Variants in NPAS2 observed in about 807,000 individuals in gnomAD.
NPAS2 encodes the protein neuronal PAS domain protein 2, also known as neuronal PAS domain-containing protein 2.
Under a neutral mutation model 107.5 loss-of-function variants are expected in NPAS2, and 23 were observed. The ratio of observed to expected loss-of-function variants is 0.21; its 90% confidence interval spans 0.15 to 0.30. The LOEUF (loss-of-function observed/expected upper bound fraction) is 0.30, where lower values mean the gene tolerates loss of function less well. Among genes scored for constraint, NPAS2 ranks in the 10% least tolerant of loss-of-function variants. The pLI is 1.00. For missense variants in NPAS2, 756 were observed against 1,043.3 expected, an observed-to-expected ratio of 0.72 and a Z score of 3.79; for synonymous variants, 403 against 417.5, an observed-to-expected ratio of 0.97 and a Z score of 0.42.
intron 1 of NPAS2, among the ~76,000 whole-genome samples, chr2:100,824,556 A>G (rs1433094075): frequency 1.3e-5 from 2 of 152,160 alleles, no homozygotes; most frequent in Admixed American, 6.5e-5. Flanking sequence ...TCTTTCCACC[A>G]TAGTACGAGT....
intron 1 of NPAS2, among the ~76,000 whole-genome samples, chr2:100,831,975 G>T (rs1378797301): frequency 6.6e-6 from 1 of 152,080 alleles, no homozygotes; most frequent in African/African-American, 2.4e-5. Context: ...ATTCTCAGCT[G>T]CCAGGGCCCC....
intron 16 of NPAS2, chr2:100,984,224 C>T (rs545392749): frequency 6.6e-5 from 10 of 152,110 alleles, no homozygotes; most frequent in African/African-American, 1.9e-4. Flanking sequence ...CACAGATAGT[C>T]GAGACAGAGG....
intron 1 of NPAS2, among the ~76,000 whole-genome samples, chr2:100,861,941 G>A (rs1053287124): frequency 6.6e-6 from 1 of 152,136 alleles, no homozygotes; most frequent in African/African-American, 2.4e-5. Context: ...CACTTTTTTT[G>A]TATTAAGGGA....
chr2:100,975,344 C>G, intron 13 of NPAS2, 114 bp from the exon 14 acceptor site: 1 of 915,052 alleles, frequency 1.1e-6, no homozygotes. Flanking sequence ...CTTCCTTTAT[C>G]AGAGATCCCA....
intron 1 of NPAS2, among the ~76,000 whole-genome samples, chr2:100,883,770 A>G (rs1680528430): frequency 6.6e-6 from 1 of 152,150 alleles, no homozygotes; most frequent in Admixed American, 6.5e-5. Flanking sequence ...ATAGTTTACA[A>G]AAGTTACTTC....
chr2:100,927,453 A>G (rs1415125407), intron 3 of NPAS2, among the ~76,000 whole-genome samples: 1 of 152,250 alleles, frequency 6.6e-6, no homozygotes, highest in South Asian at 2.1e-4. Flanking sequence ...TGAATTAATT[A>G]TCACAAAGCA....
chr2:100,924,465 T>C (rs1683434120), intron 2 of NPAS2, among the ~76,000 whole-genome samples: 1 of 152,262 alleles, frequency 6.6e-6, no homozygotes, highest in Non-Finnish European at 1.5e-5. Context: ...ATACTTGCTA[T>C]CATACAGTGT....
At chr2:100,888,384 G>A (rs1213212308) in intron 1 of NPAS2, among the ~76,000 whole-genome samples, 1 of 152,068 alleles carries the variant, frequency 6.6e-6, no homozygotes, top group Non-Finnish European at 1.5e-5. Flanking sequence ...AGCCGTGGGG[G>A]CGGAGGAAGA....
intron 17 of NPAS2, chr2:100,989,050 A>C (rs1677959637): frequency 5.3e-6 from 1 of 188,686 alleles, no homozygotes; most frequent in Admixed American, 6.2e-5. Flanking sequence ...AGCCATTTCC[A>C]CCTATTCCAA....
In NPAS2 at chr2:100,949,348, T is replaced by G; in HGVS notation, c.485-19T>G. The G allele has an allele frequency of 6.8e-7, 1 of 1,480,964 alleles. No individual in the cohort carries two copies. The highest frequency in any genetic ancestry group is 9.4e-7 in the Non-Finnish European group (1 of 1,058,560). The allele number at this position is 1,480,964 out of a possible 1,614,324, so 91.7% of individuals were successfully genotyped here. ...TGCTCACGACCCCTTTCTCTCCTCT[T>G]CTTCCTTTAACGGCCCAGCTGACAG... On this transcript the variant is annotated intron_variant, in intron 6 of 20. Coordinates refer to ENST00000335681, the MANE Select transcript of NPAS2 (RefSeq NM_002518.4).
intron 2 of NPAS2, among the ~76,000 whole-genome samples, chr2:100,914,652 A>G (rs1447013146): frequency 2.0e-5 from 3 of 152,206 alleles, no homozygotes; most frequent in African/African-American, 7.2e-5. Flanking sequence ...AAAGGATCTT[A>G]TTAACAGCCC....
intron 3 of NPAS2, among the ~76,000 whole-genome samples, chr2:100,927,150 A>G (rs1039725359): frequency 3.3e-5 from 5 of 151,880 alleles, no homozygotes; most frequent in East Asian, 1.9e-4. Flanking sequence ...TAGCCAGGAT[A>G]GTCTCAATCT....
intron 2 of NPAS2, among the ~76,000 whole-genome samples, chr2:100,916,799 G>T (rs942836100): frequency 3.3e-5 from 5 of 152,092 alleles, no homozygotes; most frequent in African/African-American, 1.2e-4. Context: ...CATTTACCAA[G>T]CTAGACCAAA....
At chr2:100,906,584 ATT>A (rs1267552714) in intron 2 of NPAS2, among the ~76,000 whole-genome samples, 1 of 152,186 alleles carries the variant, frequency 6.6e-6, no homozygotes, top group Non-Finnish European at 1.5e-5. Context: ...ACAGTAATAC[ATT>A]TACAGGGCAA....
intron 1 of NPAS2, among the ~76,000 whole-genome samples, chr2:100,853,974 CA>C (rs5832937): frequency 0.7 from 80,917 of 116,108 alleles, 26,787 homozygotes; most frequent in Non-Finnish European, 0.76. Flanking sequence ...CAGCCCACGA[CA>C]AAAAAAAAAA....
intron 12 of NPAS2, 111 bp from the exon 13 acceptor site, chr2:100,974,692 T>A (rs1424738136): frequency 8.5e-7 from 1 of 1,180,948 alleles, no homozygotes; most frequent in African/African-American, 1.5e-5. Context: ...ACAACTATGG[T>A]ATTTGTCTCA....
intron 1 of NPAS2, among the ~76,000 whole-genome samples, chr2:100,835,279 T>C (rs1485605101): frequency 6.6e-6 from 1 of 152,186 alleles, no homozygotes; most frequent in East Asian, 1.9e-4. Context: ...GAACCAGAAA[T>C]AGAACAGCTC....
chr2:100,842,944 G>C (rs1453837416), intron 1 of NPAS2, among the ~76,000 whole-genome samples: 2 of 152,168 alleles, frequency 1.3e-5, no homozygotes, highest in Non-Finnish European at 2.9e-5. Context: ...GGATCGGCCA[G>C]GTGTGGTGGC....
At chr2:100,913,213 C>T (rs1263148737) in intron 2 of NPAS2, among the ~76,000 whole-genome samples, 1 of 152,224 alleles carries the variant, frequency 6.6e-6, no homozygotes, top group Non-Finnish European at 1.5e-5. Context: ...GCACATCTAT[C>T]TGCATACCTA....
Sources: allele counts gnomAD v4.1 joint callset (sites outside exome capture counted in the v4.1 genomes callset), GRCh38; gene constraint gnomAD v4.1.1; transcripts MANE v1.5; gene names NCBI Gene and HGNC (gene_info 2026-07-23, HGNC 2026-07-21).